The following KCNB2 variants were observed in gnomAD, a reference collection of about 807,000 sequenced individuals.
KCNB2 encodes delayed rectifier potassium channel protein.
A neutral mutation model predicts 61.5 loss-of-function variants in KCNB2; 15 were observed. The observed-to-expected ratio is 0.24, with a 90% CI of 0.16 to 0.38. The LOEUF (loss-of-function observed/expected upper bound fraction) is 0.38, where lower values mean the gene tolerates loss of function less well. KCNB2 is among the 10% of genes least tolerant of loss of function. The probability of loss-of-function intolerance (pLI) is 1.00; values close to 1 mark genes in which losing one functional copy is unlikely to be tolerated. For synonymous variants in KCNB2, 457 were observed against 446.0 expected (o/e 1.02, Z -0.31); for missense variants, 828 against 1,125.2 (o/e 0.74, Z 3.78).
intron 2 of KCNB2, among the ~76,000 whole-genome samples, chr8:72,823,738 T>A (rs1442870371): frequency 6.6e-6 from 1 of 152,170 alleles, no homozygotes; most frequent in Non-Finnish European, 1.5e-5. Context: ...TAGCTCCATT[T>A]TACAAATGAA....
chr8:72,938,151 A>C lies in KCNB2; in HGVS notation c.*60A>C, dbSNP rs1203780825. ...AACAAAACAAAACTTGTTTCTTAAA[A>C]ATGCGGTTAATAATGCCTGTGAACT... On this transcript the variant is annotated 3_prime_UTR_variant, in exon 3 of 3. Coordinates refer to ENST00000523207, the MANE Select transcript of KCNB2 (RefSeq NM_004770.3). 18 of 1,390,312 alleles carry C rather than the reference A, an allele frequency of 1.3e-5. No individual in the cohort carries two copies. Among genetic ancestry groups the C allele is most frequent in the Non-Finnish European group, 1.8e-5 (18 of 1,015,298 alleles). 86.1% of individuals were successfully genotyped at this position (1,390,312 alleles called of 1,614,324 possible).
At chr8:72,897,637 C>T (rs1160178348) in intron 2 of KCNB2, among the ~76,000 whole-genome samples, 1 of 152,120 alleles carries the variant, frequency 6.6e-6, no homozygotes, top group African/African-American at 2.4e-5. Flanking sequence ...AGGGTTTGAT[C>T]CAAATAATTT....
chr8:72,734,072 A>G (rs755903242), intron 2 of KCNB2, among the ~76,000 whole-genome samples: 4 of 152,220 alleles, frequency 2.6e-5, no homozygotes, highest in Non-Finnish European at 5.9e-5. Context: ...ATCATCTGCA[A>G]TCTGGAATAG....
Position 72,935,515 on chromosome 8 carries a change from T to G in KCNB2, c.580-420T>G, listed in dbSNP as rs902082578. ...TGAGTTTATATTTTTAATTGTAGAA[T>G]GAAATTCCTGGCGATCACCAATTCT... On this transcript the variant is annotated intron_variant, in intron 2 of 2. Coordinates refer to ENST00000523207, the MANE Select transcript of KCNB2 (RefSeq NM_004770.3). 1.2e-4 allele frequency among the ~76,000 whole-genome samples: 19 copies of G among 152,200 alleles called. 1 individual carries two copies. Among genetic ancestry groups the G allele is most frequent in the Non-Finnish European group, 2.8e-4 (19 of 68,032 alleles).
At chr8:72,888,202 A>C (rs146807954) in intron 2 of KCNB2, among the ~76,000 whole-genome samples, 2,896 of 152,274 alleles carry the variant, frequency 0.019, 87 homozygotes, top group African/African-American at 0.063. Context: ...TCCTGGCCTC[A>C]GGTGATTCTC....
chr8:72,646,208 T>C (rs1039655949), intron 2 of KCNB2, among the ~76,000 whole-genome samples: 1 of 152,026 alleles, frequency 6.6e-6, no homozygotes, highest in South Asian at 2.1e-4. Context: ...ATATAATATC[T>C]TCAAATATAT....
chr8:72,909,765 T>A (rs1806252555), intron 2 of KCNB2, among the ~76,000 whole-genome samples: 1 of 151,978 alleles, frequency 6.6e-6, no homozygotes, highest in South Asian at 2.1e-4. Context: ...TGGGGACTGA[T>A]TGGATGATAA....
intron 2 of KCNB2, among the ~76,000 whole-genome samples, chr8:72,864,864 C>T (rs1805490530): frequency 6.6e-6 from 1 of 152,172 alleles, no homozygotes; most frequent in African/African-American, 2.4e-5. Flanking sequence ...AATTAAATCT[C>T]TCAGAAGGGA....
chr8:72,859,351 A>G (rs1473129579), intron 2 of KCNB2, among the ~76,000 whole-genome samples: 1 of 152,222 alleles, frequency 6.6e-6, no homozygotes, highest in Non-Finnish European at 1.5e-5. Context: ...TTCAAATAAC[A>G]TCATTATTGA....
In KCNB2 at chr8:72,558,525, G is replaced by A. The variant is rs540434570; in HGVS notation, c.-93-9117G>A. On this transcript the variant is annotated intron_variant, in intron 1 of 2. Coordinates refer to ENST00000523207, the MANE Select transcript of KCNB2 (RefSeq NM_004770.3). ...AAATGCGGAAAAGAATATTTCATACGTGGAAGTCATATTGAATTTGGGGAA... is the reference window on the plus strand; with the variant it reads ...AAATGCGGAAAAGAATATTTCATACATGGAAGTCATATTGAATTTGGGGAA... 7.9e-5 allele frequency among the ~76,000 whole-genome samples: 12 copies of A among 152,198 alleles called. No homozygotes were observed. In the South Asian group the frequency reaches 1.4e-3, roughly 18 times the overall value.
intron 2 of KCNB2, among the ~76,000 whole-genome samples, chr8:72,803,191 G>A (rs534928458): frequency 2.0e-5 from 3 of 152,230 alleles, no homozygotes; most frequent in South Asian, 4.2e-4. Context: ...TCAGCATCAG[G>A]GAGTCAGAGC....
intron 2 of KCNB2, among the ~76,000 whole-genome samples, chr8:72,930,161 G>T (rs1029107393): frequency 6.6e-5 from 10 of 151,836 alleles, no homozygotes; most frequent in African/African-American, 2.4e-4. Flanking sequence ...AGTATTCCAT[G>T]GTGTATATGT....
intron 2 of KCNB2, among the ~76,000 whole-genome samples, chr8:72,746,011 A>T (rs1808058305): frequency 6.6e-6 from 1 of 152,188 alleles, no homozygotes; most frequent in East Asian, 1.9e-4. Context: ...CTCAAATCAG[A>T]TTTGTAATCA....
intron 2 of KCNB2, among the ~76,000 whole-genome samples, chr8:72,614,181 G>T (rs1398138287): frequency 6.6e-6 from 1 of 152,184 alleles, no homozygotes; most frequent in Non-Finnish European, 1.5e-5. Flanking sequence ...TTCTCCCAGT[G>T]CTGTTTATTG....
At chr8:72,538,402 A>G (rs1416752293) in intron 1 of KCNB2, among the ~76,000 whole-genome samples, 2 of 152,164 alleles carry the variant, frequency 1.3e-5, no homozygotes, top group Non-Finnish European at 1.5e-5. Flanking sequence ...GGACTTGGGA[A>G]TACGTTTGCC....
intron 2 of KCNB2, among the ~76,000 whole-genome samples, chr8:72,824,468 G>T (rs548100183): frequency 6.6e-6 from 1 of 151,946 alleles, no homozygotes; most frequent in Non-Finnish European, 1.5e-5. Context: ...CAGGCATCTC[G>T]AGGTGTGCCA....
intron 2 of KCNB2, among the ~76,000 whole-genome samples, chr8:72,770,928 A>G (rs1235949962): frequency 2.0e-5 from 3 of 152,256 alleles, no homozygotes; most frequent in Non-Finnish European, 4.4e-5. Flanking sequence ...ACTTCTGGGC[A>G]AATTGCACTG....
chr8:72,763,576 T>G (rs7013262), intron 2 of KCNB2, among the ~76,000 whole-genome samples: 20,843 of 152,068 alleles, frequency 0.14, 1,801 homozygotes, highest in South Asian at 0.3. Context: ...CACCATTTGG[T>G]TGTGATTATT....
intron 2 of KCNB2, among the ~76,000 whole-genome samples, chr8:72,870,455 T>C (rs1463223907): frequency 2.0e-5 from 3 of 152,202 alleles, no homozygotes; most frequent in Admixed American, 2.0e-4. Context: ...TGTATCATAG[T>C]CATTTTTCTT....
Sources: allele counts gnomAD v4.1 joint callset (sites outside exome capture counted in the v4.1 genomes callset), GRCh38; gene constraint gnomAD v4.1.1; transcripts MANE v1.5; gene names NCBI Gene and HGNC (gene_info 2026-07-23, HGNC 2026-07-21).